Variants in DPP10 observed in about 807,000 individuals in gnomAD.
DPP10 encodes the protein dipeptidyl peptidase like 10, also known as inactive dipeptidyl peptidase 10.
DPP10 carries 33 observed loss-of-function variants against 120.9 expected under a neutral mutation model. The ratio of observed to expected loss-of-function variants is 0.27; its 90% confidence interval spans 0.21 to 0.37. DPP10 has a LOEUF of 0.37. DPP10 is among the 10% of genes least tolerant of loss of function. The pLI is 1.00. For missense variants in DPP10, 816 were observed against 942.8 expected, an observed-to-expected ratio of 0.87 and a Z score of 1.76; for synonymous variants, 337 against 326.1, an observed-to-expected ratio of 1.03 and a Z score of -0.36.
chr2:114,649,000 C>T lies in DPP10; in HGVS notation c.60+206162C>T, dbSNP rs545781685. On this transcript the variant is annotated intron_variant, in intron 1 of 25. Transcript: ENST00000410059. ...TTTAAGGGTGGAAAAGCACAACTAA[C>T]GTGGGCATTAGTGCTATAAAGCCAC... Among the ~76,000 whole-genome samples, 10 of 152,274 alleles carry T rather than the reference C, an allele frequency of 6.6e-5. No homozygotes were observed. In the South Asian group the frequency reaches 1.7e-3, roughly 25 times the overall value.
intron 1 of DPP10, among the ~76,000 whole-genome samples, chr2:114,609,842 T>A (rs1693137588): frequency 6.6e-6 from 1 of 152,188 alleles, no homozygotes; most frequent in Admixed American, 6.5e-5. Context: ...CTTACTGAGT[T>A]ACCAGAGGAC....
intron 1 of DPP10, among the ~76,000 whole-genome samples, chr2:114,597,677 C>T (rs1262127282): frequency 6.6e-6 from 1 of 151,986 alleles, no homozygotes; most frequent in East Asian, 1.9e-4. Flanking sequence ...CTCCTTCCTA[C>T]TACAATGTCA....
chr2:115,450,402 A>C (rs1171217472), intron 3 of DPP10, among the ~76,000 whole-genome samples: 1 of 152,074 alleles, frequency 6.6e-6, no homozygotes, highest in Admixed American at 6.6e-5. Flanking sequence ...GACCATCTGT[A>C]TATGACACTT....
At chr2:115,521,985 A>G (rs1033124061) in intron 4 of DPP10, among the ~76,000 whole-genome samples, 1 of 152,104 alleles carries the variant, frequency 6.6e-6, no homozygotes, top group African/African-American at 2.4e-5. Context: ...GTTTATTCTC[A>G]TATTGTAGGT....
At chr2:114,708,512 C>T (rs1033703560) in intron 1 of DPP10, among the ~76,000 whole-genome samples, 4 of 152,248 alleles carry the variant, frequency 2.6e-5, no homozygotes, top group African/African-American at 9.6e-5. Context: ...TTCCCACCAC[C>T]GGCACTTACT....
chr2:115,804,193 G>A (rs141372058), intron 19 of DPP10, among the ~76,000 whole-genome samples: 13,185 of 151,690 alleles, frequency 0.087, 628 homozygotes, highest in South Asian at 0.14. Flanking sequence ...GTCTTCTATC[G>A]CTGATACCCT....
At chr2:115,636,145 CAA>C (rs568939069) in intron 5 of DPP10, among the ~76,000 whole-genome samples, 2 of 106,910 alleles carry the variant, frequency 1.9e-5, no homozygotes. Flanking sequence ...AGTCTAATCG[CAA>C]AAAAAAAAAA....
intron 4 of DPP10, among the ~76,000 whole-genome samples, chr2:115,520,950 T>G (rs937842499): frequency 6.6e-6 from 1 of 152,142 alleles, no homozygotes; most frequent in Non-Finnish European, 1.5e-5. Flanking sequence ...CCAAACAACC[T>G]AGAAGTGCAA....
intron 5 of DPP10, among the ~76,000 whole-genome samples, chr2:115,534,725 C>T (rs2148933840): frequency 6.7e-6 from 1 of 149,872 alleles, no homozygotes; most frequent in South Asian, 2.1e-4. Context: ...ACAGTCCCAC[C>T]AACAGTGTAA....
intron 7 of DPP10, among the ~76,000 whole-genome samples, chr2:115,703,463 T>C (rs1006830159): frequency 6.6e-6 from 1 of 152,026 alleles, no homozygotes; most frequent in African/African-American, 2.4e-5. Context: ...GCTGACAAGT[T>C]TGAAGTCTAT....
At chr2:115,058,404 T>C (rs1706117539) in intron 1 of DPP10, among the ~76,000 whole-genome samples, 1 of 152,062 alleles carries the variant, frequency 6.6e-6, no homozygotes, top group African/African-American at 2.4e-5. Flanking sequence ...CTCTTTGTCT[T>C]TTTTATTTTA....
At chr2:115,097,686 T>G (rs2048470901) in intron 1 of DPP10, among the ~76,000 whole-genome samples, 1 of 152,226 alleles carries the variant, frequency 6.6e-6, no homozygotes. Flanking sequence ...CAAGTTTGAC[T>G]CTTCCTAGGA....
intron 3 of DPP10, among the ~76,000 whole-genome samples, chr2:115,372,508 G>A (rs1174885758): frequency 2.0e-5 from 3 of 152,134 alleles, no homozygotes; most frequent in African/African-American, 7.2e-5. Context: ...AGCCAAGATT[G>A]ATTCTGTTGA....
intron 1 of DPP10, among the ~76,000 whole-genome samples, chr2:114,610,912 C>T (rs936573570): frequency 6.6e-6 from 1 of 152,054 alleles, no homozygotes; most frequent in Non-Finnish European, 1.5e-5. Context: ...CCACCACCCC[C>T]CTTCTCCCAC....
chr2:115,823,840 G>A, intron 21 of DPP10, among the ~76,000 whole-genome samples: 1 of 152,088 alleles, frequency 6.6e-6, no homozygotes, highest in East Asian at 1.9e-4. Flanking sequence ...AAGATTCTAG[G>A]CTAAGTTAAA....
intron 1 of DPP10, among the ~76,000 whole-genome samples, chr2:114,604,505 A>G (rs1035193967): frequency 6.6e-6 from 1 of 152,086 alleles, no homozygotes; most frequent in African/African-American, 2.4e-5. Flanking sequence ...TAGGCAATGA[A>G]CAATCTACCA....
chr2:115,804,907 G>T (rs1240694121), intron 19 of DPP10, among the ~76,000 whole-genome samples: 2 of 152,220 alleles, frequency 1.3e-5, no homozygotes, highest in Non-Finnish European at 1.5e-5. Flanking sequence ...CAGTCTGCCT[G>T]TTCTCAGATC....
At chr2:115,635,554 C>T (rs1427341707) in intron 5 of DPP10, among the ~76,000 whole-genome samples, 1 of 152,172 alleles carries the variant, frequency 6.6e-6, no homozygotes, top group Non-Finnish European at 1.5e-5. Flanking sequence ...GACCTGGATA[C>T]CTCAGTTCAG....
At chr2:114,864,931 A>C (rs1690106833) in intron 1 of DPP10, among the ~76,000 whole-genome samples, 1 of 152,202 alleles carries the variant, frequency 6.6e-6, no homozygotes, top group African/African-American at 2.4e-5. Context: ...ATAACGTAAA[A>C]GATCTCTTTA....
Sources: gnomAD v4.1 joint callset for allele counts (sites outside exome capture counted in the v4.1 genomes callset) on GRCh38, gnomAD v4.1.1 for gene constraint, MANE v1.5 for transcripts, NCBI Gene and HGNC (gene_info 2026-07-23, HGNC 2026-07-21) for gene names.